Variants in C6orf132 observed in about 807,000 individuals in gnomAD.
The protein encoded by C6orf132 is uncharacterized protein C6orf132.
In C6orf132, 43 loss-of-function variants were observed where a neutral mutation model predicts 65.3. The ratio of observed to expected loss-of-function variants is 0.66; its 90% CI spans 0.52 to 0.85. The LOEUF is 0.85. Ranked by LOEUF, C6orf132 falls within the 40% of genes least tolerant of loss-of-function variation. The pLI is 0.00. For synonymous variants in C6orf132, 631 were observed against 654.1 expected, an observed-to-expected ratio of 0.96 and a Z score of 0.54; for missense variants, 1,488 against 1,548.8, an observed-to-expected ratio of 0.96 and a Z score of 0.66.
chr6:42,122,145 G>A (rs926178374), intron 2 of C6orf132, among the ~76,000 whole-genome samples: 2 of 152,200 alleles, frequency 1.3e-5, no homozygotes, highest in Admixed American at 1.3e-4. Flanking sequence ...AGAAAAGAGT[G>A]TCCACCCATG....
At chr6:42,141,290 A>T (rs1767025856) in intron 1 of C6orf132, among the ~76,000 whole-genome samples, 1 of 152,072 alleles carries the variant, frequency 6.6e-6, no homozygotes, top group South Asian at 2.1e-4. Flanking sequence ...GGCTATAAAG[A>T]TCAGTGAAGA....
intron 2 of C6orf132, among the ~76,000 whole-genome samples, chr6:42,125,730 A>T (rs1582279915): frequency 6.6e-6 from 1 of 152,154 alleles, no homozygotes. Context: ...ACAGCCTGGA[A>T]CTCAGGCCTG....
Position 42,142,541 on chromosome 6 carries a change from A to C in C6orf132, c.-97T>G. 9.6e-7 allele frequency: 1 copy of C among 1,040,906 alleles called. No individual in the cohort carries two copies. The allele number at this position is 1,040,906 out of a possible 1,614,324, so 64.5% of individuals were successfully genotyped here. A position where few individuals can be genotyped will look rare whatever the true frequency, so the allele number is the denominator to read the frequency against. ...CAGCACGGTCTCCCCAGGGGACTCT[A>C]CCAGGCCATGTCCCCCGCCGTCCTC... is the stretch of plus-strand genomic sequence containing the variant. On this transcript the variant is annotated 5_prime_UTR_variant, in exon 1 of 5. The change abolishes the stop of an existing upstream ORF in the 5' untranslated region. Transcript: ENST00000341865.
intron 1 of C6orf132, among the ~76,000 whole-genome samples, chr6:42,133,233 G>C (rs1171791166): frequency 6.6e-6 from 1 of 152,222 alleles, no homozygotes; most frequent in Non-Finnish European, 1.5e-5. Context: ...CTTGAGGAAG[G>C]AGGGGCGAGG....
At chr6:42,112,247 G>A (rs563137490) in intron 2 of C6orf132, among the ~76,000 whole-genome samples, 22 of 152,318 alleles carry the variant, frequency 1.4e-4, no homozygotes, top group African/African-American at 4.6e-4. Flanking sequence ...CCTTTGGTAA[G>A]TTGTCTAAAG....
chr6:42,118,868 ATTTTTTTTTT>A, intron 2 of C6orf132, among the ~76,000 whole-genome samples: 1 of 113,202 alleles, frequency 8.8e-6, no homozygotes, highest in East Asian at 2.6e-4. Context: ...CAGCCCTTTA[ATTTTTTTTTT>A]TTTTTTTTTT....
In C6orf132 at chr6:42,105,550, T is replaced by C; in HGVS notation, c.2362A>G (p.Thr788Ala). 3.3e-6 allele frequency: 5 copies of C among 1,535,352 alleles called. No individual in the cohort carries two copies. Among genetic ancestry groups the C allele is most frequent in the Non-Finnish European group, 4.4e-6 (5 of 1,145,972 alleles). ...CCTGCAGCCCCTCCTCTGGCCAGGGTGGGCATCACCACAGCAACCTCACGG... is the reference window on the plus strand; with the variant it reads ...CCTGCAGCCCCTCCTCTGGCCAGGGCGGGCATCACCACAGCAACCTCACGG... ...LSREVAVVMP[T>A]LARGGAAGPG... Residue 788 changes from threonine to alanine, a missense_variant, in exon 4 of 5, where the codon ACC becomes GCC. Coordinates refer to ENST00000341865, the MANE Select transcript of C6orf132 (RefSeq NM_001164446.3).
chr6:42,134,263 GCTGT>G (rs1480829085), intron 1 of C6orf132, among the ~76,000 whole-genome samples: 1 of 152,224 alleles, frequency 6.6e-6, no homozygotes, highest in Non-Finnish European at 1.5e-5. Flanking sequence ...TCTCTCTGAG[GCTGT>G]CTCTTTATCT....
intron 2 of C6orf132, among the ~76,000 whole-genome samples, chr6:42,115,940 T>TC (rs1766562799): frequency 6.8e-6 from 1 of 146,322 alleles, no homozygotes; most frequent in Non-Finnish European, 1.5e-5. Flanking sequence ...TTTTCTTTTT[T>TC]TTTTTTTTTG....
chr6:42,111,777 G>A (rs1456174155), intron 2 of C6orf132, among the ~76,000 whole-genome samples: 1 of 152,134 alleles, frequency 6.6e-6, no homozygotes, highest in Non-Finnish European at 1.5e-5. Flanking sequence ...CTAAGCTTAA[G>A]AGGCTATAAT....
intron 2 of C6orf132, among the ~76,000 whole-genome samples, chr6:42,122,206 A>G (rs1766699477): frequency 6.6e-6 from 1 of 152,212 alleles, no homozygotes; most frequent in African/African-American, 2.4e-5. Context: ...CCTTAGACCC[A>G]GGTTACCACA....
chr6:42,118,762 C>G (rs10456509), intron 2 of C6orf132, among the ~76,000 whole-genome samples: 7 of 152,090 alleles, frequency 4.6e-5, no homozygotes, highest in African/African-American at 1.4e-4. Context: ...AGCACTTCCT[C>G]GTCCTCACAC....
chr6:42,104,770 CCCCG>C lies in C6orf132; in HGVS notation c.3138_3141del (p.Gly1047LeufsTer15). The C allele has an allele frequency of 6.6e-7, 1 of 1,511,038 alleles. No homozygotes were observed. Among genetic ancestry groups the C allele is most frequent in the Non-Finnish European group, 8.8e-7 (1 of 1,136,258 alleles). The allele number at this position is 1,511,038 out of a possible 1,614,324, so 93.6% of individuals were successfully genotyped here. On this transcript the variant is annotated frameshift_variant, in exon 4 of 5. Coordinates refer to ENST00000341865, the MANE Select transcript of C6orf132 (RefSeq NM_001164446.3). LOFTEE classifies it high-confidence loss of function. This position sits in a 1 kb window ranked among gnomAD's most constrained non-coding sequence, Gnocchi z 4.1. ...CCCGAGAAGCGCTCCAGGCCCCCAG[CCCCG>C]GCGTAGCGCGCGCCCGCGGGAAAGC...
rs754872799 is a variant in C6orf132 at position 42,101,362 on chromosome 6, A to G, written c.*2399T>C. Reference sequence around the variant, plus strand: ...CGTTCCCTGTTTTTTCCTTCTTACTACTCCTTGTAATTTATGATGTTTTTG... The same window carrying G: ...CGTTCCCTGTTTTTTCCTTCTTACTGCTCCTTGTAATTTATGATGTTTTTG... On this transcript the variant is annotated 3_prime_UTR_variant, in exon 5 of 5. Coordinates refer to ENST00000341865, the MANE Select transcript of C6orf132 (RefSeq NM_001164446.3). The G allele has an allele frequency of 6.6e-6, 1 of 151,438 alleles. No homozygotes were observed. Among genetic ancestry groups the G allele is most frequent in the Admixed American group, 6.6e-5 (1 of 15,218 alleles). The allele number at this position is 151,438 out of a possible 1,614,324, so 9.4% of individuals were successfully genotyped here.
intron 2 of C6orf132, among the ~76,000 whole-genome samples, chr6:42,112,122 C>G (rs1766506087): frequency 2.6e-5 from 4 of 152,208 alleles, no homozygotes; most frequent in Admixed American, 2.6e-4. Flanking sequence ...TAACAATAAT[C>G]ATAGTCATAA....
chr6:42,128,574 G>A, intron 2 of C6orf132, 98 bp downstream of exon 2: 1 of 881,692 alleles, frequency 1.1e-6, no homozygotes, highest in Non-Finnish European at 1.8e-6. Flanking sequence ...GAAGGAAGGG[G>A]TGGACAGAGG....
chr6:42,115,929 TTTTTC>T (rs1392389627), intron 2 of C6orf132, among the ~76,000 whole-genome samples: 2 of 136,090 alleles, frequency 1.5e-5, no homozygotes, highest in South Asian at 2.6e-4. Flanking sequence ...TTTCTTTTTC[TTTTTC>T]TTTTTTTTTT....
chr6:42,113,621 C>A (rs1442602398), intron 2 of C6orf132, among the ~76,000 whole-genome samples: 2 of 152,174 alleles, frequency 1.3e-5, no homozygotes, highest in East Asian at 1.9e-4. Context: ...TCAAGACCAG[C>A]CTGGCCAACA....
chr6:42,116,886 T>G (rs770516036), intron 2 of C6orf132, among the ~76,000 whole-genome samples: 1 of 151,792 alleles, frequency 6.6e-6, no homozygotes, highest in Non-Finnish European at 1.5e-5. Context: ...TGTGCAGAGG[T>G]TTCAGAGGTC....
Sources: allele counts gnomAD v4.1 joint callset (sites outside exome capture counted in the v4.1 genomes callset), GRCh38; gene constraint gnomAD v4.1.1; non-coding constraint Gnocchi (gnomAD v3.1); transcripts MANE v1.5; gene names NCBI Gene and HGNC (gene_info 2026-07-23, HGNC 2026-07-21).